PRH1: variants seen among roughly 807,000 people sequenced by gnomAD.
PRH1 encodes salivary acidic proline-rich phosphoprotein 1/2.
In PRH1, 7 loss-of-function variants were observed where a neutral mutation model predicts 7.9. The ratio of observed to expected loss-of-function variants is 0.89; its 90% CI spans 0.50 to 1.67. The LOEUF (loss-of-function observed/expected upper bound fraction) is 1.67, where lower values mean the gene tolerates loss of function less well. PRH1 is among the 40% of genes most tolerant of loss of function. The pLI is 0.00. For synonymous variants in PRH1, 45 were observed against 80.8 expected, an observed-to-expected ratio of 0.56 and a Z score of 2.38; for missense variants, 109 against 223.6, an observed-to-expected ratio of 0.49 and a Z score of 3.27.
intron 2 of PRH1, among the ~76,000 whole-genome samples, chr12:10,925,679 T>C (rs1030454228): frequency 6.6e-6 from 1 of 152,226 alleles, no homozygotes; most frequent in African/African-American, 2.4e-5. Flanking sequence ...AGGAAAAATA[T>C]ATTTTTCACC....
chr12:10,982,386 A>G (rs898571595), intron 1 of PRH1, among the ~76,000 whole-genome samples: 2 of 152,242 alleles, frequency 1.3e-5, no homozygotes, highest in East Asian at 1.9e-4. Flanking sequence ...ATGAATGCAC[A>G]TTAGCATAAA....
At chr12:11,077,554 G>C in intron 1 of PRH1, 2 of 1,235,184 alleles carry the variant, frequency 1.6e-6, no homozygotes, top group South Asian at 1.2e-5. Context: ...GGAGATCACA[G>C]TTTGCAAAGC....
chr12:11,149,075 G>A (rs1387018615), intron 1 of PRH1, among the ~76,000 whole-genome samples: 13 of 151,604 alleles, frequency 8.6e-5, no homozygotes, highest in Non-Finnish European at 7.4e-5. Flanking sequence ...TATTTGCGTA[G>A]AGGTGTTTGT....
At chr12:10,892,895 C>G (rs148827224) in intron 2 of PRH1, among the ~76,000 whole-genome samples, 6 of 152,288 alleles carry the variant, frequency 3.9e-5, no homozygotes, top group African/African-American at 1.4e-4. Context: ...ATTCCTGTCT[C>G]AAAGTAAGGC....
At chr12:11,007,585 AGT>A (rs1186907643) in intron 1 of PRH1, among the ~76,000 whole-genome samples, 3 of 152,120 alleles carry the variant, frequency 2.0e-5, no homozygotes, top group African/African-American at 7.2e-5. Flanking sequence ...ATTATCTTGC[AGT>A]GTCCTCCTGC....
chr12:11,111,697 G>A (rs2136304513), intron 1 of PRH1, among the ~76,000 whole-genome samples: 1 of 152,324 alleles, frequency 6.6e-6, no homozygotes, highest in East Asian at 1.9e-4. Flanking sequence ...ACAGGAGAAA[G>A]TGGGAAAGAT....
chr12:10,928,859 A>G (rs1591687916), intron 2 of PRH1, among the ~76,000 whole-genome samples: 2 of 152,236 alleles, frequency 1.3e-5, no homozygotes, highest in Non-Finnish European at 2.9e-5. Flanking sequence ...TTGCTGCCCA[A>G]CCCCCTGACA....
intron 1 of PRH1, among the ~76,000 whole-genome samples, chr12:11,107,606 T>A (rs1945459981): frequency 6.6e-6 from 1 of 152,094 alleles, no homozygotes; most frequent in African/African-American, 2.4e-5. Flanking sequence ...TGTTAAAAAA[T>A]AACAAATTTG....
intron 2 of PRH1, among the ~76,000 whole-genome samples, chr12:10,960,526 A>G (rs748903733): frequency 5.3e-5 from 8 of 152,184 alleles, no homozygotes; most frequent in Non-Finnish European, 8.8e-5. Flanking sequence ...TTAAATCTAC[A>G]CCCTTTGTGA....
rs1190575784 is a variant in PRH1 at position 11,093,390 on chromosome 12, C to G, written n.124-46202G>C. ...ATTCACAAACTCATAAATATGCACA[C>G]AAATACACACGTGCACACCACTTAT... On this transcript the variant is annotated intron_variant and non_coding_transcript_variant, in intron 1 of 4. Transcript: ENST00000541977. Among the ~76,000 whole-genome samples, 9 of 115,672 alleles carry G rather than the reference C, an allele frequency of 7.8e-5. 3 individuals carry two copies. The highest frequency in any genetic ancestry group is 2.6e-4 in the Admixed American group (3 of 11,414). 75.9% of individuals were successfully genotyped at this position (115,672 alleles called of 152,430 possible).
chr12:10,943,437 G>A (rs948111286), intron 2 of PRH1, among the ~76,000 whole-genome samples: 4 of 151,996 alleles, frequency 2.6e-5, no homozygotes, highest in Admixed American at 2.6e-4. Flanking sequence ...TTTTTCTCTT[G>A]TAAATTCAAG....
intron 1 of PRH1, among the ~76,000 whole-genome samples, chr12:11,069,246 A>C (rs1236988642): frequency 6.6e-6 from 1 of 152,144 alleles, no homozygotes; most frequent in African/African-American, 2.4e-5. Flanking sequence ...TGTAAATTTG[A>C]CATTTGAAGG....
chr12:11,076,365 T>C (rs1182860990), intron 1 of PRH1, among the ~76,000 whole-genome samples: 1 of 42,268 alleles, frequency 2.4e-5, no homozygotes, highest in Non-Finnish European at 7.5e-5. Context: ...AGTTTAACAT[T>C]TAACATTTGA....
chr12:11,102,214 A>G (rs1429246908), intron 1 of PRH1, among the ~76,000 whole-genome samples: 9 of 152,196 alleles, frequency 5.9e-5, no homozygotes, highest in Admixed American at 1.3e-4. Flanking sequence ...TATGGAACCA[A>G]AAAAGAGCCT....
intron 1 of PRH1, chr12:11,121,259 T>C (rs1945893498): frequency 2.6e-5 from 4 of 152,322 alleles, no homozygotes; most frequent in African/African-American, 9.6e-5. Flanking sequence ...ATAAAACATA[T>C]CATTAATACG....
downstream of PRH1, among the ~76,000 whole-genome samples, chr12:11,116,111 T>C (rs1945724365): frequency 6.6e-6 from 1 of 151,998 alleles, no homozygotes; most frequent in Admixed American, 6.6e-5. Context: ...AACAAAAACC[T>C]GTTTTCTTGA....
chr12:11,135,926 C>T (rs1382087361), intron 1 of PRH1, among the ~76,000 whole-genome samples: 1 of 152,008 alleles, frequency 6.6e-6, no homozygotes, highest in African/African-American at 2.4e-5. Flanking sequence ...CTAATTAAAA[C>T]TTTTTATGTT....
At chr12:10,881,639 C>T (rs1287460992) in intron 3 of PRH1, among the ~76,000 whole-genome samples, 1 of 151,894 alleles carries the variant, frequency 6.6e-6, no homozygotes, top group Non-Finnish European at 1.5e-5. Flanking sequence ...AAGTAGATTC[C>T]AAAGAGTAAA....
At chr12:11,060,153 A>T (rs1943525531) in intron 1 of PRH1, among the ~76,000 whole-genome samples, 2 of 152,170 alleles carry the variant, frequency 1.3e-5, no homozygotes, top group South Asian at 4.1e-4. Context: ...AAATTAATAC[A>T]GTCATGTAGA....
Sources: gnomAD v4.1 joint callset for allele counts (sites outside exome capture counted in the v4.1 genomes callset) on GRCh38, gnomAD v4.1.1 for gene constraint, MANE v1.5 for transcripts, NCBI Gene and HGNC (gene_info 2026-07-23, HGNC 2026-07-21) for gene names.